Variants in CD46 observed in about 807,000 individuals in gnomAD.
CD46 encodes the protein CD46 molecule.
A neutral mutation model predicts 53.3 loss-of-function variants in CD46; 30 were observed. The observed-to-expected ratio is 0.56, with a 90% CI of 0.42 to 0.76. The LOEUF (loss-of-function observed/expected upper bound fraction) is 0.76. Ranked by LOEUF, CD46 falls within the 30% of genes least tolerant of loss-of-function variation. The pLI is 0.00. For synonymous variants in CD46, 142 were observed against 152.0 expected (o/e 0.93, Z 0.48); for missense variants, 409 against 463.0 (o/e 0.88, Z 1.07).
At chr1:207,776,010 G>C (rs1416705281) in intron 8 of CD46, among the ~76,000 whole-genome samples, 1 of 152,242 alleles carries the variant, frequency 6.6e-6, no homozygotes, top group African/African-American at 2.4e-5. Flanking sequence ...CTGAGCTGCG[G>C]TGGGCTCCTC....
At chr1:207,779,911 G>GTTTTTTTTTTTTTTTT (rs1163376440) in intron 8 of CD46, among the ~76,000 whole-genome samples, 41 of 25,738 alleles carry the variant, frequency 1.6e-3, no homozygotes, top group South Asian at 3.6e-3. Context: ...GCAAAAGCAA[G>GTTTTTTTTTTTTTTTT]TCTTTTTTTT....
intron 5 of CD46, among the ~76,000 whole-genome samples, 181 bp from the exon 6 acceptor site, chr1:207,766,832 A>G (rs2102594364): frequency 6.6e-6 from 1 of 152,308 alleles, no homozygotes; most frequent in South Asian, 2.1e-4. Context: ...AGAAAAATAA[A>G]ACACCCTAGA....
At chr1:207,754,817 G>A (rs898257327) in intron 1 of CD46, among the ~76,000 whole-genome samples, 4 of 151,488 alleles carry the variant, frequency 2.6e-5, no homozygotes, top group Non-Finnish European at 1.5e-5. Flanking sequence ...GAGGGTAATG[G>A]GAGTAGGGAG....
chr1:207,756,961 G>A (rs758670382), intron 1 of CD46, 53 bp from the exon 2 acceptor site: 197 of 1,460,798 alleles, frequency 1.3e-4, no homozygotes, highest in Non-Finnish European at 1.7e-4. Context: ...GTCCATGGCT[G>A]ATGAAAGTGA....
intron 11 of CD46, 154 bp downstream of exon 11, chr1:207,785,836 G>A: frequency 1.6e-6 from 1 of 619,336 alleles, no homozygotes; most frequent in Middle Eastern, 4.5e-4. Context: ...GCATTTCTTT[G>A]CTAAAAATAT....
At chr1:207,763,702 C>T (rs1158426076) in intron 5 of CD46, among the ~76,000 whole-genome samples, 1 of 149,972 alleles carries the variant, frequency 6.7e-6, no homozygotes, top group African/African-American at 2.5e-5. Context: ...TATTTTTTTT[C>T]TGGAAACATT....
intron 5 of CD46, among the ~76,000 whole-genome samples, chr1:207,766,054 C>T (rs1273078691): frequency 6.6e-6 from 1 of 152,094 alleles, no homozygotes; most frequent in Non-Finnish European, 1.5e-5. Flanking sequence ...ACTAAGAAGA[C>T]TGTAATTTCA....
At chr1:207,777,649 C>T (rs1011823423) in intron 8 of CD46, among the ~76,000 whole-genome samples, 4 of 152,084 alleles carry the variant, frequency 2.6e-5, no homozygotes, top group African/African-American at 2.4e-5. Flanking sequence ...TAGTATTCCA[C>T]GGTGTATATG....
chr1:207,779,913 C>CTTTTTTTTTTTTTTTTTT lies in CD46; in HGVS notation c.944-3377_944-3360dup, dbSNP rs66758503. Reference sequence around the variant, plus strand: ...TTCTATTCTTGTAGCAAAAGCAAGTCTTTTTTTTTTTTTTTTTTTACTGTA... The same window carrying CTTTTTTTTTTTTTTTTTT: ...TTCTATTCTTGTAGCAAAAGCAAGTCTTTTTTTTTTTTTTTTTTTTTTTTTTTTTTTTTTTTTACTGTA... On this transcript the variant is annotated intron_variant, in intron 8 of 12. Transcript: ENST00000367042. Among the ~76,000 whole-genome samples the CTTTTTTTTTTTTTTTTTT allele has an allele frequency of 2.4e-3, 151 of 62,368 alleles. 22 individuals carry two copies. The highest frequency in any genetic ancestry group is 3.6e-3 in the African/African-American group (57 of 15,838). 40.9% of individuals were successfully genotyped at this position (62,368 alleles called of 152,430 possible).
chr1:207,756,671 G>A (rs1655578666), intron 1 of CD46, among the ~76,000 whole-genome samples: 1 of 152,222 alleles, frequency 6.6e-6, no homozygotes, highest in Admixed American at 6.5e-5. Context: ...TACTGTAGAA[G>A]ACTTCTTAGA....
At chr1:207,781,543 A>G (rs1658736157) in intron 8 of CD46, among the ~76,000 whole-genome samples, 1 of 152,088 alleles carries the variant, frequency 6.6e-6, no homozygotes, top group African/African-American at 2.4e-5. Context: ...TTTTCTTCTG[A>G]GAGTTTTATA....
In CD46 at chr1:207,767,842, T is replaced by G. The variant is rs769790979; in HGVS notation, c.901+19T>G. 70 of 1,584,642 alleles carry G rather than the reference T, an allele frequency of 4.4e-5. No homozygotes were observed. Among genetic ancestry groups the G allele is most frequent in the Non-Finnish European group, 6.0e-5 (69 of 1,153,810 alleles). On this transcript the variant is annotated intron_variant, in intron 7 of 12. Transcript: ENST00000367042. Reference sequence around the variant, plus strand: ...GCCTCAGGTTTAGTAATTTCCTGCTTATAGTTTTTCAAAAATCCTTTAAAT... The same window carrying G: ...GCCTCAGGTTTAGTAATTTCCTGCTGATAGTTTTTCAAAAATCCTTTAAAT...
At position 207,793,534 on chromosome 1, in the gene CD46, A is replaced by C. The variant is rs1659996542; in HGVS notation, c.*57A>C. 1 of 1,613,646 alleles carries C rather than the reference A, an allele frequency of 6.2e-7. No individual in the cohort carries two copies. Among genetic ancestry groups the C allele is most frequent in the Non-Finnish European group, 8.5e-7 (1 of 1,179,560 alleles). ...TGGTTTGCAGGAAAGCAGATGGTGG[A>C]GCTGAATATGCCACTTACCAGACTA... On this transcript the variant is annotated 3_prime_UTR_variant, in exon 13 of 13. Transcript: ENST00000367042.
intron 8 of CD46, 95 bp downstream of exon 8, chr1:207,770,457 G>C: frequency 2.2e-6 from 2 of 891,778 alleles, no homozygotes; most frequent in South Asian, 2.8e-5. Flanking sequence ...ACAGCGTGCA[G>C]GTTTGTTACA....
At chr1:207,789,942 T>G (rs913006172) in intron 11 of CD46, among the ~76,000 whole-genome samples, 1 of 151,680 alleles carries the variant, frequency 6.6e-6, no homozygotes, top group Non-Finnish European at 1.5e-5. Context: ...CAACAATCTG[T>G]TATTCCTTGA....
intron 1 of CD46, among the ~76,000 whole-genome samples, chr1:207,756,570 C>G (rs1655569870): frequency 6.6e-6 from 1 of 152,164 alleles, no homozygotes; most frequent in Admixed American, 6.5e-5. Context: ...CCCCCAGGAA[C>G]TTGCCTTTTA....
chr1:207,767,589 C>T lies in CD46; in HGVS notation c.857-190C>T, dbSNP rs200897315. 600 of 1,602,932 alleles carry T rather than the reference C, an allele frequency of 3.7e-4. 4 individuals carry two copies. In the African/African-American group the frequency reaches 6.1e-3, roughly 16 times the overall value. ...AACTCCCAAGTGGTTGATCTTCTAA[C>T]ATTATTTTGTTTCCTAGTGCTGCCT... On this transcript the variant is annotated intron_variant, in intron 6 of 12. Coordinates refer to ENST00000367042, the MANE Select transcript of CD46 (RefSeq NM_172351.3).
chr1:207,779,409 C>T (rs1658470250), intron 8 of CD46, among the ~76,000 whole-genome samples: 1 of 152,132 alleles, frequency 6.6e-6, no homozygotes, highest in South Asian at 2.1e-4. Context: ...ACTTTTTCCA[C>T]TTACACTCTT....
chr1:207,758,788 A>G (rs1185402145), intron 3 of CD46, among the ~76,000 whole-genome samples: 1 of 152,226 alleles, frequency 6.6e-6, no homozygotes, highest in Non-Finnish European at 1.5e-5. Context: ...TATTCAGTTG[A>G]CACATACTGC....
Sources: allele counts gnomAD v4.1 joint callset (sites outside exome capture counted in the v4.1 genomes callset), GRCh38; gene constraint gnomAD v4.1.1; transcripts MANE v1.5; gene names NCBI Gene and HGNC (gene_info 2026-07-23, HGNC 2026-07-21).